Variants in ANO2 observed in about 807,000 individuals in gnomAD.
The protein encoded by ANO2 is anoctamin 2.
A neutral mutation model predicts 124.2 loss-of-function variants in ANO2; 101 were observed. The observed-to-expected ratio is 0.81, with a 90% confidence interval of 0.69 to 0.96. ANO2 has a LOEUF of 0.96. Among genes scored for constraint, ANO2 ranks in the 40% least tolerant of loss-of-function variants. The pLI is 0.00. For synonymous variants in ANO2, 486 were observed against 482.5 expected, an observed-to-expected ratio of 1.01 and a Z score of -0.09; for missense variants, 1,293 against 1,274.5, an observed-to-expected ratio of 1.01 and a Z score of -0.22.
intron 15 of ANO2, among the ~76,000 whole-genome samples, chr12:5,637,126 T>C (rs9943746): frequency 0.36 from 55,382 of 151,830 alleles, 10,675 homozygotes; most frequent in East Asian, 0.66. Flanking sequence ...GGGACTACTA[T>C]CGTGTAACTG....
chr12:5,642,162 C>T (rs1031886548), intron 15 of ANO2, among the ~76,000 whole-genome samples: 6 of 152,186 alleles, frequency 3.9e-5, no homozygotes, highest in Admixed American at 2.0e-4. Context: ...TCTCCCCTAT[C>T]CCTTTTCAAT....
rs144013072 is a variant in ANO2 at position 5,784,948 on chromosome 12, G to A, written c.1055+14559C>T. Reference sequence around the variant, plus strand: ...ACCAGTTGTTTATGTTCCTAACCCCGAGTTCAGGGGCATCTGCAATTTAAT... The same window carrying A: ...ACCAGTTGTTTATGTTCCTAACCCCAAGTTCAGGGGCATCTGCAATTTAAT... On this transcript the variant is annotated intron_variant, in intron 10 of 24. Transcript: ENST00000682330. Among the ~76,000 whole-genome samples the A allele has an allele frequency of 2.8e-4, 43 of 152,268 alleles. No individual in the cohort carries two copies. In the East Asian group the frequency reaches 6.0e-3, roughly 21 times the overall value.
intron 14 of ANO2, among the ~76,000 whole-genome samples, chr12:5,665,928 C>T (rs181702385): frequency 4.5e-4 from 68 of 152,126 alleles, no homozygotes; most frequent in African/African-American, 1.5e-3. Context: ...AAATGATTAA[C>T]GCACAGAAGT....
chr12:5,595,282 C>A (rs1943603202), intron 20 of ANO2, among the ~76,000 whole-genome samples: 2 of 152,258 alleles, frequency 1.3e-5, no homozygotes, highest in Non-Finnish European at 2.9e-5. Flanking sequence ...CTCACTGCAG[C>A]CTCAGACTCC....
chr12:5,705,072 A>G (rs1949557400), intron 14 of ANO2, among the ~76,000 whole-genome samples: 1 of 152,212 alleles, frequency 6.6e-6, no homozygotes, highest in Admixed American at 6.5e-5. Context: ...GAAAAAAATT[A>G]TGACACTTTA....
chr12:5,575,860 CTG>C lies in ANO2; in HGVS notation c.2593_2594del (p.Gln865ValfsTer2), dbSNP rs1361711954. On this transcript the variant is annotated frameshift_variant, in exon 23 of 25. Transcript: ENST00000682330. LOFTEE classifies it high-confidence loss of function. ...TGCAGAACTGAACCTCCTGGTCAAA[CTG>C]TGAGTTTTCTGGCTGCGTCCCCTCC... ...LKEGTQPENSQFDQEVQFCRF... is the reference protein window; with the variant it reads ...LKEGTQPENSXFDQEVQFCRF... 6.2e-7 allele frequency: 1 copy of C among 1,613,948 alleles called. No homozygotes were observed. Among genetic ancestry groups the C allele is most frequent in the South Asian group, 1.1e-5 (1 of 91,058 alleles).
chr12:5,639,530 G>C (rs1946223389), intron 15 of ANO2, among the ~76,000 whole-genome samples: 1 of 152,142 alleles, frequency 6.6e-6, no homozygotes, highest in African/African-American at 2.4e-5. Flanking sequence ...AGGCAAACAG[G>C]GTATAGGGAT....
intron 14 of ANO2, among the ~76,000 whole-genome samples, chr12:5,666,845 G>A (rs1270786165): frequency 6.7e-6 from 1 of 148,926 alleles, no homozygotes; most frequent in Non-Finnish European, 1.5e-5. Context: ...TTTGCCTTGG[G>A]GCTTTGGCCG....
chr12:5,922,490 C>A, intron 2 of ANO2, 130 bp downstream of exon 2: 1 of 1,074,674 alleles, frequency 9.3e-7, no homozygotes, highest in Non-Finnish European at 1.3e-6. Flanking sequence ...AAAGGCCCTA[C>A]CCAAACCTAG....
At chr12:5,605,054 C>A (rs910796558) in intron 19 of ANO2, among the ~76,000 whole-genome samples, 2 of 151,932 alleles carry the variant, frequency 1.3e-5, no homozygotes, top group East Asian at 1.9e-4. Flanking sequence ...CCTTGGGCCT[C>A]CCTGCAGCAG....
rs1945944859 is a variant in ANO2 at position 5,635,221 on chromosome 12, T to C, written c.1747A>G (p.Ile583Val). ...RVTVTATAVI[I>V]NLVVILILDE... ...AGGATGAGGATGACCACGAGGTTGA[T>C]GATGACTGCTGTTGCTGTCACTGTC... The change falls in exon 16 of 25, where the codon ATC becomes GTC. Residue 583 changes from isoleucine to valine, a missense_variant. Coordinates refer to ENST00000682330, the MANE Select transcript of ANO2 (RefSeq NM_001364791.2). This position sits in a 1 kb window ranked among gnomAD's most constrained non-coding sequence, Gnocchi z 5.2. 6.2e-7 allele frequency: 1 copy of C among 1,612,324 alleles called. No individual in the cohort carries two copies. Among genetic ancestry groups the C allele is most frequent in the Non-Finnish European group, 8.5e-7 (1 of 1,179,474 alleles).
chr12:5,865,994 TG>T (rs1955417176), intron 3 of ANO2, among the ~76,000 whole-genome samples: 1 of 152,268 alleles, frequency 6.6e-6, no homozygotes, highest in South Asian at 2.1e-4. Context: ...AGTTTTGCTC[TG>T]AGAGAAACAC....
At chr12:5,659,467 C>G (rs1947336528) in intron 14 of ANO2, among the ~76,000 whole-genome samples, 1 of 152,160 alleles carries the variant, frequency 6.6e-6, no homozygotes, top group Non-Finnish European at 1.5e-5. Context: ...TCGAAGCCTT[C>G]CAGCAGTAGA....
At chr12:5,603,960 A>AAG (rs1319970006) in intron 19 of ANO2, among the ~76,000 whole-genome samples, 2 of 151,318 alleles carry the variant, frequency 1.3e-5, no homozygotes, top group African/African-American at 2.4e-5. Context: ...AAAAAAAAAA[A>AAG]AAAAAGAAAA....
chr12:5,823,076 C>T (rs1591657995), intron 7 of ANO2, among the ~76,000 whole-genome samples: 1 of 152,188 alleles, frequency 6.6e-6, no homozygotes, highest in African/African-American at 2.4e-5. Flanking sequence ...CTGGGAGATA[C>T]AATTCAAGTT....
At chr12:5,796,132 C>G (rs1028739600) in intron 10 of ANO2, among the ~76,000 whole-genome samples, 1 of 151,932 alleles carries the variant, frequency 6.6e-6, no homozygotes, top group African/African-American at 2.4e-5. Context: ...CTCTCACACA[C>G]ACACTCACAC....
chr12:5,732,552 A>C lies in ANO2; in HGVS notation c.1513T>G (p.Leu505Val). ...CCACACTCCGTCGTGTTTGTTTCCAATTTCTGGACAGCAGACTGGTTGCTC... is the reference window on the plus strand; with the variant it reads ...CCACACTCCGTCGTGTTTGTTTCCACTTTCTGGACAGCAGACTGGTTGCTC... ...KESNQSAVQK[L>V]ETNTTECGDE... The change falls in exon 14 of 25, where the codon TTG becomes GTG. Residue 505 changes from leucine to valine, a missense_variant. Leu to Val is a conservative substitution (Grantham distance 32). Transcript: ENST00000682330. The C allele has an allele frequency of 4.3e-6, 7 of 1,613,798 alleles. No homozygotes were observed. Among genetic ancestry groups the C allele is most frequent in the Non-Finnish European group, 5.9e-6 (7 of 1,179,820 alleles).
intron 16 of ANO2, among the ~76,000 whole-genome samples, chr12:5,625,194 G>A (rs911590414): frequency 6.6e-6 from 1 of 152,148 alleles, no homozygotes; most frequent in Non-Finnish European, 1.5e-5. Context: ...GAATGGTGTG[G>A]GGGGGAGTGC....
chr12:5,597,132 T>G, intron 20 of ANO2, among the ~76,000 whole-genome samples: 1 of 152,168 alleles, frequency 6.6e-6, no homozygotes, highest in Admixed American at 6.5e-5. Context: ...GGGGTGCAAG[T>G]GCAGGTTTGT....
Sources: gnomAD v4.1 joint callset for allele counts (sites outside exome capture counted in the v4.1 genomes callset) on GRCh38, gnomAD v4.1.1 for gene constraint, Gnocchi (gnomAD v3.1) non-coding constraint, MANE v1.5 for transcripts, NCBI Gene and HGNC (gene_info 2026-07-23, HGNC 2026-07-21) for gene names.